EHBP1: variants seen among roughly 807,000 people sequenced by gnomAD.
The protein encoded by EHBP1 is EH domain binding protein 1.
A neutral mutation model predicts 144.0 loss-of-function variants in EHBP1; 55 were observed. That is an observed-to-expected ratio of 0.38 (90% CI 0.31 to 0.48). The LOEUF is 0.48. Among genes scored for constraint, EHBP1 ranks in the 20% least tolerant of loss-of-function variants. The pLI is 0.98. For synonymous variants in EHBP1, 469 were observed against 472.7 expected (o/e 0.99, Z 0.10); for missense variants, 1,200 against 1,364.2 (o/e 0.88, Z 1.90).
At chr2:62,694,689 G>A (rs2034023581) in intron 1 of EHBP1, among the ~76,000 whole-genome samples, 1 of 152,114 alleles carries the variant, frequency 6.6e-6, no homozygotes, top group African/African-American at 2.4e-5. Context: ...CTCACCTCCA[G>A]TAGCCAACTA....
Position 62,864,950 on chromosome 2 carries a change from C to G in EHBP1, c.977C>G (p.Thr326Ser), listed in dbSNP as rs1378584851. The change falls in exon 9 of 23, where the codon ACT becomes AGT. Residue 326 changes from threonine to serine, a missense_variant. Around this residue, in one of 6 missense-constraint regions of EHBP1, gnomAD observed 266 missense variants for 262.4 expected, o/e 1.01. Coordinates refer to ENST00000431489, the MANE Select transcript of EHBP1 (RefSeq NM_001142616.3). ...TACCTCTATGCTGATAGTTCTAAAACTGAAGAAGAAGAATTGGATGAGTAA... is the reference window on the plus strand; with the variant it reads ...TACCTCTATGCTGATAGTTCTAAAAGTGAAGAAGAAGAATTGGATGAGTAA... Reference protein sequence around the residue: ...SKYLYADSSKTEEEELDESNP... With the variant: ...SKYLYADSSKSEEEELDESNP... The G allele has an allele frequency of 6.2e-7, 1 of 1,612,926 alleles. No homozygotes were observed. Among genetic ancestry groups the G allele is most frequent in the African/African-American group, 1.3e-5 (1 of 74,774 alleles).
In EHBP1 at chr2:62,996,501, CAGAG is replaced by C; in HGVS notation, c.2980-139_2980-136del. On this transcript the variant is annotated intron_variant, in intron 18 of 22. Transcript: ENST00000431489. ...ATACATATGAAAATTTTTTGAATCA[CAGAG>C]AGTTGCTTTTTGGTACTAAGGGTGA... The C allele has an allele frequency of 6.2e-6, 6 of 964,688 alleles. No individual in the cohort carries two copies. In the Admixed American group the frequency reaches 1.5e-4, roughly 24 times the overall value. The allele number at this position is 964,688 out of a possible 1,614,324, so 59.8% of individuals were successfully genotyped here. A position where few individuals can be genotyped will look rare whatever the true frequency, so the allele number is the denominator to read the frequency against.
At chr2:62,752,756 TCTTTGTTTAAAGTGTGTTTTATCACA>T (rs201656400) in intron 3 of EHBP1, among the ~76,000 whole-genome samples, 4,211 of 152,262 alleles carry the variant, frequency 0.028, 207 homozygotes, top group South Asian at 0.2. Flanking sequence ...TCTCTTTTGG[TCTTTGTTTAAAGTGTGTTTTATCACA>T]CTTTGTTTAA....
At chr2:62,683,815 C>A (rs1450221233) in intron 1 of EHBP1, among the ~76,000 whole-genome samples, 1 of 152,026 alleles carries the variant, frequency 6.6e-6, no homozygotes, top group Non-Finnish European at 1.5e-5. Context: ...GTGGTGACAC[C>A]ATGGATGGCT....
At chr2:62,956,790 G>A (rs2057723882) in intron 14 of EHBP1, among the ~76,000 whole-genome samples, 1 of 152,054 alleles carries the variant, frequency 6.6e-6, no homozygotes, top group Non-Finnish European at 1.5e-5. Context: ...ATAGGACACA[G>A]TGGTAGTGGC....
intron 1 of EHBP1, among the ~76,000 whole-genome samples, chr2:62,675,162 C>G (rs1393735658): frequency 6.6e-6 from 1 of 152,098 alleles, no homozygotes; most frequent in East Asian, 1.9e-4. Flanking sequence ...TAACTGTGGC[C>G]TCAGGCATGC....
chr2:62,821,638 C>G (rs919269533), intron 5 of EHBP1, among the ~76,000 whole-genome samples: 8 of 152,252 alleles, frequency 5.3e-5, no homozygotes, highest in African/African-American at 1.9e-4. Context: ...TGTTTTTGCA[C>G]CACTGCACTC....
intron 4 of EHBP1, among the ~76,000 whole-genome samples, chr2:62,766,958 T>TAAA (rs774238457): frequency 3.8e-5 from 4 of 105,812 alleles, no homozygotes; most frequent in East Asian, 2.6e-4. Context: ...TGTGCTTCAT[T>TAAA]AAAAAAAAAA....
chr2:63,029,201 A>G (rs1310230917), intron 19 of EHBP1, among the ~76,000 whole-genome samples: 1 of 151,740 alleles, frequency 6.6e-6, no homozygotes, highest in Non-Finnish European at 1.5e-5. Flanking sequence ...AGCTATGGCT[A>G]TCTTTTGTAG....
chr2:62,934,230 C>CT (rs1333622037), intron 10 of EHBP1, among the ~76,000 whole-genome samples: 1 of 152,160 alleles, frequency 6.6e-6, no homozygotes, highest in African/African-American at 2.4e-5. Context: ...TTTAATTTCA[C>CT]TAAAATTTAA....
intron 17 of EHBP1, 52 bp downstream of exon 17, chr2:62,993,720 A>T: frequency 4.2e-6 from 4 of 960,416 alleles, no homozygotes; most frequent in Non-Finnish European, 5.7e-6. Flanking sequence ...CTATATATAG[A>T]TATCTATATA....
chr2:63,025,827 A>C (rs1574522515), intron 19 of EHBP1, among the ~76,000 whole-genome samples: 1 of 152,230 alleles, frequency 6.6e-6, no homozygotes, highest in African/African-American at 2.4e-5. Context: ...GTCACACATT[A>C]GATTTTCTCT....
intron 14 of EHBP1, among the ~76,000 whole-genome samples, chr2:62,963,656 C>T (rs1014436914): frequency 9.2e-5 from 14 of 152,080 alleles, no homozygotes; most frequent in Non-Finnish European, 1.5e-4. Flanking sequence ...GGAAGAAGTA[C>T]GTTAACTTTA....
At position 62,993,867 on chromosome 2, in the gene EHBP1, T is replaced by TA. The variant is rs746331907; in HGVS notation, c.2873-2dup. The stretch of plus-strand genomic sequence containing the variant: ...TTACATGTCTTTCCTCTTTTTTTTT[T>TA]AAGAGATGAAAAGGCAGAGATCAAT... On this transcript the variant is annotated splice_region_variant and splice_polypyrimidine_tract_variant and intron_variant, in intron 17 of 22. Transcript: ENST00000431489. 1.3e-6 allele frequency: 2 copies of TA among 1,528,794 alleles called. No individual in the cohort carries two copies. The highest frequency in any genetic ancestry group is 1.3e-5 in the South Asian group (1 of 76,280). The allele number at this position is 1,528,794 out of a possible 1,614,324, so 94.7% of individuals were successfully genotyped here. A position where few individuals can be genotyped will look rare whatever the true frequency, so the allele number is the denominator to read the frequency against.
At chr2:62,735,429 A>G (rs2038031328) in intron 2 of EHBP1, among the ~76,000 whole-genome samples, 1 of 152,110 alleles carries the variant, frequency 6.6e-6, no homozygotes, top group South Asian at 2.1e-4. Flanking sequence ...TGTCACTTGT[A>G]TCATTGCTGT....
chr2:62,688,961 T>C (rs2033812687), intron 1 of EHBP1, among the ~76,000 whole-genome samples: 1 of 152,220 alleles, frequency 6.6e-6, no homozygotes, highest in African/African-American at 2.4e-5. Context: ...CTGGTATGCA[T>C]ACTGAGAAGG....
chr2:62,742,157 G>GT (rs1248029398), intron 2 of EHBP1, among the ~76,000 whole-genome samples: 1 of 152,104 alleles, frequency 6.6e-6, no homozygotes, highest in Non-Finnish European at 1.5e-5. Context: ...CTAGGTTTGT[G>GT]TAAGTACACT....
rs899596903 is a variant in EHBP1, at chr2:62,853,206, G to A, written c.635-5963G>A. Among the ~76,000 whole-genome samples the A allele has an allele frequency of 7.2e-5, 11 of 152,152 alleles. No individual in the cohort carries two copies. In the South Asian group the frequency reaches 2.3e-3, roughly 32 times the overall value. ...AGACCACCACAATAAAACAAATATTGCAGTAAAGCAAGTCACACACATTTT... is the reference window on the plus strand; with the variant it reads ...AGACCACCACAATAAAACAAATATTACAGTAAAGCAAGTCACACACATTTT... On this transcript the variant is annotated intron_variant, in intron 7 of 22. Coordinates refer to ENST00000431489, the MANE Select transcript of EHBP1 (RefSeq NM_001142616.3).
chr2:62,839,584 T>A lies in EHBP1; in HGVS notation c.634+8426T>A, dbSNP rs1282983568. Among the ~76,000 whole-genome samples, 4 of 150,304 alleles carry A rather than the reference T, an allele frequency of 2.7e-5. No homozygotes were observed. In the East Asian group the frequency reaches 7.8e-4, roughly 29 times the overall value. ...TTTGCAGATGACATGATTGTATATC[T>A]AGAAAACCCCATCGTCTCAGCCCAA... On this transcript the variant is annotated intron_variant, in intron 7 of 22. Coordinates refer to ENST00000431489, the MANE Select transcript of EHBP1 (RefSeq NM_001142616.3).
Sources: allele counts gnomAD v4.1 joint callset (sites outside exome capture counted in the v4.1 genomes callset), GRCh38; gene constraint gnomAD v4.1.1; regional missense constraint gnomAD v4.1.1; transcripts MANE v1.5; gene names NCBI Gene and HGNC (gene_info 2026-07-23, HGNC 2026-07-21).